TUBB3: variants seen among roughly 807,000 people sequenced by gnomAD.
The protein encoded by TUBB3 is tubulin beta 3 class III, also known as tubulin beta-3 chain.
Under a neutral mutation model 37.8 loss-of-function variants are expected in TUBB3, and 17 were observed. The observed-to-expected ratio is 0.45, with a 90% CI of 0.31 to 0.67. The LOEUF is 0.67. TUBB3 is among the 30% of genes least tolerant of loss of function. TUBB3 has a pLI of 0.07. For synonymous variants in TUBB3, 332 were observed against 278.9 expected (o/e 1.19, Z -1.90); for missense variants, 262 against 657.9 (o/e 0.40, Z 6.58).
At chr16:89,923,500 G>T in intron 1 of TUBB3, 42 bp downstream of exon 1, 12 of 1,392,996 alleles carry the variant, frequency 8.6e-6, no homozygotes, top group Non-Finnish European at 1.1e-5. Flanking sequence ...CCCGGGGCGG[G>T]AGGAGGGAGG....
rs1212705780 is a variant in TUBB3 at position 89,935,047 on chromosome 16, C to G, written c.596C>G (p.Thr199Ser). Residue 199 changes from threonine (T) to serine (S), a missense_variant, in exon 4 of 4, where the codon ACC becomes AGC. Transcript: ENST00000315491. The stretch of plus-strand genomic sequence containing the variant: ...CAGCTGGTGGAGAACACGGATGAGA[C>G]CTACTGCATCGACAACGAGGCGCTC... ...IHQLVENTDE[T>S]YCIDNEALYD... 4 of 1,614,194 alleles carry G rather than the reference C, an allele frequency of 2.5e-6. No individual in the cohort carries two copies. Among genetic ancestry groups the G allele is most frequent in the Non-Finnish European group, 8.5e-7 (1 of 1,180,036 alleles).
intron 1 of TUBB3, among the ~76,000 whole-genome samples, chr16:89,929,120 G>T (rs548825950): frequency 1.3e-5 from 2 of 151,860 alleles, no homozygotes; most frequent in Admixed American, 1.3e-4. Context: ...GCGCTACCAC[G>T]CCCGGCTAAT....
intron 1 of TUBB3, among the ~76,000 whole-genome samples, chr16:89,929,085 C>G (rs1019471644): frequency 1.3e-5 from 2 of 151,444 alleles, no homozygotes; most frequent in African/African-American, 4.9e-5. Context: ...GTCTCAGACT[C>G]TGAAACAACT....
intron 1 of TUBB3, 35 bp downstream of exon 1, chr16:89,923,493 G>C: frequency 1.4e-6 from 2 of 1,406,962 alleles, no homozygotes; most frequent in South Asian, 1.5e-5. Flanking sequence ...CCCGGGCCCC[G>C]GGGCGGGAGG....
rs545562076 is a variant in TUBB3, at chr16:89,929,948, C to T, written c.58-2623C>T. Among the ~76,000 whole-genome samples the T allele has an allele frequency of 1.1e-3, 174 of 152,058 alleles. 1 individual carries two copies. The highest frequency in any genetic ancestry group is 4.1e-3 in the African/African-American group (169 of 41,476). On this transcript the variant is annotated intron_variant, in intron 1 of 3. Transcript: ENST00000315491. Reference sequence around the variant, plus strand: ...ACTCCTGACCTCAGATGATCCACTGCCTCAGCCTCCCAAAGTACTGGGATT... The same window carrying T: ...ACTCCTGACCTCAGATGATCCACTGTCTCAGCCTCCCAAAGTACTGGGATT...
intron 1 of TUBB3, among the ~76,000 whole-genome samples, chr16:89,929,191 G>C (rs2030195109): frequency 6.6e-6 from 1 of 150,614 alleles, no homozygotes; most frequent in African/African-American, 2.4e-5. Flanking sequence ...CTGAACTCCT[G>C]ACTTCAAGTG....
chr16:89,923,435 TGC>T lies in TUBB3; in HGVS notation c.36_37del (p.Cys12TrpfsTer14). ...REIVHIQAGQ[C>X]GNQIGAKFWE... is the part of the protein sequence containing the mutation. ...GATCGTGCACATCCAGGCCGGCCAG[TGC>T]GGCAACCAGATCGGGGCCAAGGTGA... On this transcript the variant is annotated frameshift_variant, in exon 1 of 4. Transcript: ENST00000315491. LOFTEE classifies it high-confidence loss of function. 1 of 1,513,422 alleles carries T rather than the reference TGC, an allele frequency of 6.6e-7. No individual in the cohort carries two copies. The highest frequency in any genetic ancestry group is 1.2e-5 in the South Asian group (1 of 82,240). 93.7% of individuals were successfully genotyped at this position (1,513,422 alleles called of 1,614,324 possible).
chr16:89,935,394 A>G lies in TUBB3; in HGVS notation c.943A>G (p.Thr315Ala), dbSNP rs1597425068. ...PRHGRYLTVA[T>A]VFRGRMSMKE... ...CCACGGCCGCTACCTGACGGTGGCC[A>G]CCGTGTTCCGGGGCCGCATGTCCAT... The change falls in exon 4 of 4, where the codon ACC (threonine) becomes GCC (alanine). Residue 315 changes from threonine to alanine, a missense_variant. This residue lies in a region of TUBB3 where 165 missense variants were observed against 556.8 expected (regional missense o/e 0.30). Transcript: ENST00000315491. The G allele has an allele frequency of 6.2e-7, 1 of 1,614,072 alleles. No homozygotes were observed. The highest frequency in any genetic ancestry group is 8.5e-7 in the Non-Finnish European group (1 of 1,180,012).
chr16:89,922,687 A>G (rs1361244808), upstream of TUBB3: 1 of 152,168 alleles, frequency 6.6e-6, no homozygotes, highest in Non-Finnish European at 1.5e-5. Context: ...CGCTCATGGC[A>G]GCCCCTTGGT....
At chr16:89,931,416 C>T (rs1368879168) in intron 1 of TUBB3, among the ~76,000 whole-genome samples, 1 of 152,230 alleles carries the variant, frequency 6.6e-6, no homozygotes, top group Non-Finnish European at 1.5e-5. Flanking sequence ...AGAGGTCAGG[C>T]AGCCCTGGGA....
intron 3 of TUBB3, 167 bp from the exon 4 acceptor site, chr16:89,934,562 G>A (rs2030387988): frequency 1.4e-6 from 1 of 717,152 alleles, no homozygotes; most frequent in Non-Finnish European, 2.4e-6. Flanking sequence ...ATCGGCTCAG[G>A]GAAGCCACGG....
chr16:89,935,331 T>G lies in TUBB3; in HGVS notation c.880T>G (p.Phe294Val). ...CGTGCCCGAGCTCACCCAGCAGATGTTCGATGCCAAGAACATGATGGCCGC... is the reference window on the plus strand; with the variant it reads ...CGTGCCCGAGCTCACCCAGCAGATGGTCGATGCCAAGAACATGATGGCCGC... ...LTVPELTQQM[F>V]DAKNMMAACD... The change falls in exon 4 of 4, where the codon TTC (phenylalanine) becomes GTC (valine). Residue 294 changes from phenylalanine (F) to valine (V), a missense_variant. Around this residue, in one of 3 missense-constraint regions of TUBB3, gnomAD observed 165 missense variants for 556.8 expected, o/e 0.30. Coordinates refer to ENST00000315491, the MANE Select transcript of TUBB3 (RefSeq NM_006086.4). 2 of 1,613,862 alleles carry G rather than the reference T, an allele frequency of 1.2e-6. No homozygotes were observed. The highest frequency in any genetic ancestry group is 1.7e-6 in the Non-Finnish European group (2 of 1,179,978).
In TUBB3 at chr16:89,923,496, G is replaced by A. The variant is rs529973090; in HGVS notation, c.57+38G>A. The A allele has an allele frequency of 7.5e-5, 105 of 1,404,128 alleles. No homozygotes were observed. In the African/African-American group the frequency reaches 1.3e-3, roughly 18 times the overall value. The allele number at this position is 1,404,128 out of a possible 1,614,324, so 87.0% of individuals were successfully genotyped here. On this transcript the variant is annotated intron_variant, in intron 1 of 3. Transcript: ENST00000315491. Reference sequence around the variant, plus strand: ...GCCCCGGCCTGTCCCGGGCCCCGGGGCGGGAGGAGGGAGGCGCCGTGCCCC... The same window carrying A: ...GCCCCGGCCTGTCCCGGGCCCCGGGACGGGAGGAGGGAGGCGCCGTGCCCC...
At chr16:89,923,579 C>T (rs1271087198) in intron 1 of TUBB3, 121 bp downstream of exon 1, 13 of 984,616 alleles carry the variant, frequency 1.3e-5, no homozygotes, top group Non-Finnish European at 1.6e-5. Context: ...GGGATGCGCC[C>T]AGCGCCGCGC....
upstream of TUBB3, chr16:89,922,177 G>C (rs2029905988): frequency 6.6e-6 from 1 of 152,456 alleles, no homozygotes; most frequent in South Asian, 2.1e-4. Flanking sequence ...AGAAAAGAGA[G>C]AGACAGGTAC....
chr16:89,926,500 C>T (rs1484170945), intron 1 of TUBB3, among the ~76,000 whole-genome samples: 1 of 152,248 alleles, frequency 6.6e-6, no homozygotes, highest in African/African-American at 2.4e-5. Context: ...AAGCGCTGCG[C>T]GAGGTCAGCA....
At chr16:89,931,913 T>C in intron 1 of TUBB3, 2 of 370,480 alleles carry the variant, frequency 5.4e-6, no homozygotes, top group Non-Finnish European at 1.1e-5. Context: ...GATGCCAGCC[T>C]CACACGGACA....
chr16:89,922,770 G>T (rs1187405004), upstream of TUBB3: 3 of 152,142 alleles, frequency 2.0e-5, no homozygotes, highest in African/African-American at 7.2e-5. Flanking sequence ...GCTCTCGGCC[G>T]CCGCCACCCC....
chr16:89,932,388 A>G (rs2030308652), intron 1 of TUBB3, among the ~76,000 whole-genome samples, 183 bp from the exon 2 acceptor site: 1 of 152,112 alleles, frequency 6.6e-6, no homozygotes, highest in African/African-American at 2.4e-5. Context: ...GTGGAGGTGC[A>G]TATTTATTAT....
Sources: allele counts gnomAD v4.1 joint callset (sites outside exome capture counted in the v4.1 genomes callset), GRCh38; gene constraint gnomAD v4.1.1; regional missense constraint gnomAD v4.1.1; transcripts MANE v1.5; gene names NCBI Gene and HGNC (gene_info 2026-07-23, HGNC 2026-07-21).